PDK3: variants seen among roughly 807,000 people sequenced by gnomAD.
The protein encoded by PDK3 is pyruvate dehydrogenase kinase, isozyme 3.
PDK3 carries 12 observed loss-of-function variants against 32.0 expected under a neutral mutation model. The observed-to-expected ratio is 0.37, with a 90% CI of 0.24 to 0.61. PDK3 has a LOEUF of 0.61. PDK3 is among the 20% of genes least tolerant of loss of function. The pLI is 0.65. For missense variants in PDK3, 188 were observed against 316.9 expected, an observed-to-expected ratio of 0.59 and a Z score of 3.09; for synonymous variants, 122 against 116.3, an observed-to-expected ratio of 1.05 and a Z score of -0.31.
At chrX:24,482,537 C>T (rs763549087) in intron 1 of PDK3, among the ~76,000 whole-genome samples, 15 of 111,891 alleles carry the variant, frequency 1.3e-4, no homozygotes, top group Non-Finnish European at 2.8e-4. Context: ...ACATAGTATA[C>T]CATTGTCCCC....
intron 1 of PDK3, among the ~76,000 whole-genome samples, chrX:24,476,660 T>C (rs1472542196): frequency 8.9e-6 from 1 of 112,039 alleles, no homozygotes; most frequent in African/African-American, 3.2e-5. Context: ...TTTGTTATAA[T>C]TGATGAACCA....
At chrX:24,529,771 A>G (rs1376786721) in intron 9 of PDK3, among the ~76,000 whole-genome samples, 3 of 111,061 alleles carry the variant, frequency 2.7e-5, no homozygotes, top group South Asian at 3.8e-4. Context: ...AAAAAAAAAA[A>G]AAAAGAAAAG....
intron 6 of PDK3, among the ~76,000 whole-genome samples, chrX:24,522,726 T>C (rs4898254): frequency 0.066 from 7,293 of 109,773 alleles, 258 homozygotes; most frequent in African/African-American, 0.12. Flanking sequence ...GCCAACATGG[T>C]GAAACCCTGT....
At chrX:24,547,145 A>T (rs1286375624) in exon 12 of PDK3, 2 of 112,262 alleles carry the variant, frequency 1.8e-5, no homozygotes, top group African/African-American at 6.5e-5. Flanking sequence ...CTTGAAAATG[A>T]AAAGAAGCGG....
exon 12 of PDK3, chrX:24,545,750 T>TGTCAGTGTCTC (rs1922983256): frequency 9.0e-6 from 1 of 111,639 alleles, no homozygotes; most frequent in Non-Finnish European, 1.9e-5. Context: ...ATCGCAATAC[T>TGTCAGTGTCTC]GTCCAGTGTC....
chrX:24,490,834 G>A (rs1453952106), intron 1 of PDK3, among the ~76,000 whole-genome samples: 3 of 111,467 alleles, frequency 2.7e-5, no homozygotes, highest in Non-Finnish European at 3.8e-5. Flanking sequence ...CAACATGCTC[G>A]TATCCTGTGA....
At chrX:24,509,222 C>T (rs2062951454) in intron 5 of PDK3, among the ~76,000 whole-genome samples, 2 of 111,592 alleles carry the variant, frequency 1.8e-5, no homozygotes, top group Admixed American at 1.9e-4. Context: ...TTGCTTTGTC[C>T]CTTTTAGACA....
chrX:24,489,180 C>G (rs1921483589), intron 1 of PDK3, among the ~76,000 whole-genome samples: 1 of 111,767 alleles, frequency 8.9e-6, no homozygotes, highest in African/African-American at 3.3e-5. Flanking sequence ...AGGAAAGATA[C>G]TTTCAATGTA....
At chrX:24,538,867 C>T (rs1273009071), downstream of PDK3, among the ~76,000 whole-genome samples, 2 of 111,962 alleles carry the variant, frequency 1.8e-5, no homozygotes, top group Non-Finnish European at 3.8e-5. Flanking sequence ...AGCATATTTT[C>T]ATCACCCCAA....
chrX:24,491,246 T>G (rs1602108123), intron 1 of PDK3, among the ~76,000 whole-genome samples: 3 of 92,419 alleles, frequency 3.2e-5, no homozygotes, highest in East Asian at 3.2e-4. Flanking sequence ...ACTCGGGAGG[T>G]GGAGGTTGGG....
chrX:24,546,176 T>C lies in PDK3; in HGVS notation c.*7012T>C, dbSNP rs769872547. The C allele has an allele frequency of 3.6e-5, 4 of 111,887 alleles. No homozygotes were observed. In the East Asian group the frequency reaches 8.5e-4, roughly 24 times the overall value. The allele number at this position is 111,887 out of a possible 1,213,427, so 9.2% of individuals were successfully genotyped here. ...GCAGATGGGAGCCCATTTCAGTTCA[T>C]TGTCTTGCTGACCAATGGGGAACTG... On this transcript the variant is annotated 3_prime_UTR_variant, in exon 12 of 12. Coordinates refer to the PDK3 transcript ENST00000568479.
chrX:24,472,010 A>G (rs1400661107), intron 1 of PDK3, among the ~76,000 whole-genome samples: 1 of 112,192 alleles, frequency 8.9e-6, no homozygotes, highest in Non-Finnish European at 1.9e-5. Context: ...TCATGTGGTA[A>G]GTTTAACCTA....
chrX:24,511,665 T>G (rs1212666835), intron 5 of PDK3, among the ~76,000 whole-genome samples: 1 of 111,042 alleles, frequency 9.0e-6, no homozygotes, highest in African/African-American at 3.3e-5. Context: ...CTGGCCAACA[T>G]GGTGAAACCC....
At chrX:24,501,453 C>T (rs1044796020) in intron 3 of PDK3, among the ~76,000 whole-genome samples, 1 of 112,954 alleles carries the variant, frequency 8.9e-6, no homozygotes, top group South Asian at 3.6e-4. Flanking sequence ...GTGGCCGACG[C>T]CTGTAATCCC....
intron 6 of PDK3, among the ~76,000 whole-genome samples, chrX:24,524,446 G>A (rs1415682562): frequency 9.0e-6 from 1 of 111,447 alleles, no homozygotes; most frequent in Non-Finnish European, 1.9e-5. Context: ...AACCCAAAAA[G>A]GGTAGCATGA....
intron 1 of PDK3, among the ~76,000 whole-genome samples, chrX:24,489,701 A>G (rs1921502510): frequency 1.8e-5 from 2 of 108,859 alleles, no homozygotes; most frequent in African/African-American, 6.7e-5. Context: ...AAAAAAAAAA[A>G]AGAAAAAAAA....
chrX:24,537,761 C>T (rs1391083882), downstream of PDK3, among the ~76,000 whole-genome samples: 2 of 111,662 alleles, frequency 1.8e-5, no homozygotes, highest in African/African-American at 6.5e-5. Flanking sequence ...TTGGTCTTCT[C>T]TGACAAGTGT....
chrX:24,523,896 C>T (rs1922459454), intron 6 of PDK3, among the ~76,000 whole-genome samples: 2 of 111,879 alleles, frequency 1.8e-5, no homozygotes, highest in Non-Finnish European at 3.8e-5. Flanking sequence ...ACAGTGAATC[C>T]GGTTCTTCAT....
chrX:24,537,546 A>G (rs934388584), downstream of PDK3, among the ~76,000 whole-genome samples: 1 of 110,555 alleles, frequency 9.0e-6, no homozygotes, highest in Admixed American at 9.7e-5. Flanking sequence ...AGCTATATTT[A>G]AAATATATTT....
Sources: allele counts gnomAD v4.1 joint callset (sites outside exome capture counted in the v4.1 genomes callset), GRCh38; gene constraint gnomAD v4.1.1; transcripts MANE v1.5; gene names NCBI Gene and HGNC (gene_info 2026-07-23, HGNC 2026-07-21).